PTGER3: variants seen among roughly 807,000 people sequenced by gnomAD.
PTGER3 encodes the protein prostaglandin E receptor 3.
In PTGER3, 22 loss-of-function variants were observed where a neutral mutation model predicts 34.7. That is an observed-to-expected ratio of 0.63 (90% CI 0.45 to 0.91). The LOEUF is 0.91. Ranked by LOEUF, PTGER3 falls within the 40% of genes least tolerant of loss-of-function variation. PTGER3 has a pLI of 0.00. For synonymous variants in PTGER3, 241 were observed against 230.1 expected, an observed-to-expected ratio of 1.05 and a Z score of -0.43; for missense variants, 468 against 519.4, an observed-to-expected ratio of 0.90 and a Z score of 0.96.
intron 3 of PTGER3, 117 bp from the exon 4 acceptor site, chr1:70,971,850 T>A: frequency 1.5e-6 from 1 of 651,238 alleles, no homozygotes; most frequent in Non-Finnish European, 2.5e-6. Context: ...TTTAAACGTT[T>A]AAAACATTCT....
At chr1:70,937,163 A>G (rs975483700) in intron 4 of PTGER3, among the ~76,000 whole-genome samples, 2 of 152,208 alleles carry the variant, frequency 1.3e-5, no homozygotes, top group Non-Finnish European at 2.9e-5. Context: ...GGGGAATGTT[A>G]TGATTATAAG....
chr1:70,931,296 G>T (rs953272995), intron 4 of PTGER3, among the ~76,000 whole-genome samples: 1 of 152,198 alleles, frequency 6.6e-6, no homozygotes, highest in Non-Finnish European at 1.5e-5. Flanking sequence ...GCTGTCACAG[G>T]CTGGCATTGA....
chr1:70,949,934 C>A (rs775281666), downstream of PTGER3, among the ~76,000 whole-genome samples: 5 of 152,036 alleles, frequency 3.3e-5, no homozygotes, highest in Non-Finnish European at 7.4e-5. Flanking sequence ...CTCTGCAAAT[C>A]CAGATCAACA....
intron 1 of PTGER3, among the ~76,000 whole-genome samples, chr1:71,021,926 T>C (rs1473705849): frequency 2.0e-5 from 3 of 151,910 alleles, no homozygotes; most frequent in South Asian, 2.1e-4. Flanking sequence ...TGAATATTAG[T>C]AACATGAAGA....
chr1:70,996,116 T>G (rs1259967675), intron 2 of PTGER3, among the ~76,000 whole-genome samples: 1 of 152,164 alleles, frequency 6.6e-6, no homozygotes. Context: ...CTATAAACCT[T>G]GGAGTTTACA....
intron 3 of PTGER3, among the ~76,000 whole-genome samples, chr1:70,973,851 G>A (rs933116017): frequency 2.0e-5 from 3 of 152,104 alleles, no homozygotes; most frequent in African/African-American, 7.2e-5. Context: ...CTGCCTTTTA[G>A]AGTACTCATT....
chr1:70,924,335 G>A (rs1647845500), intron 4 of PTGER3, among the ~76,000 whole-genome samples: 1 of 152,092 alleles, frequency 6.6e-6, no homozygotes, highest in African/African-American at 2.4e-5. Flanking sequence ...GTAAAAATGG[G>A]AGACTGGAAA....
chr1:71,016,819 T>A (rs1657948782), intron 1 of PTGER3, among the ~76,000 whole-genome samples: 1 of 151,902 alleles, frequency 6.6e-6, no homozygotes, highest in South Asian at 2.1e-4. Flanking sequence ...AAAAAAATTG[T>A]ATGTATATAA....
intron 4 of PTGER3, among the ~76,000 whole-genome samples, chr1:70,858,661 T>G (rs1021657798): frequency 3.9e-5 from 6 of 152,186 alleles, no homozygotes; most frequent in African/African-American, 7.2e-5. Context: ...AATGAGAATT[T>G]GAACTACATT....
At chr1:70,989,358 G>A (rs1405904746) in intron 2 of PTGER3, among the ~76,000 whole-genome samples, 2 of 152,110 alleles carry the variant, frequency 1.3e-5, no homozygotes, top group Non-Finnish European at 2.9e-5. Flanking sequence ...TCATTTTGGT[G>A]CTCACTTATG....
At chr1:70,917,105 G>A (rs1490667775) in intron 4 of PTGER3, among the ~76,000 whole-genome samples, 2 of 151,812 alleles carry the variant, frequency 1.3e-5, no homozygotes, top group Non-Finnish European at 2.9e-5. Flanking sequence ...TCACTCTACT[G>A]TGTAATAGAA....
chr1:70,919,657 G>A (rs563720699), intron 4 of PTGER3, among the ~76,000 whole-genome samples: 6 of 152,172 alleles, frequency 3.9e-5, no homozygotes, highest in African/African-American at 7.2e-5. Flanking sequence ...TGCTTCTCCC[G>A]AAGAAAAATC....
chr1:71,006,937 A>G (rs903279312), intron 2 of PTGER3: 3 of 985,510 alleles, frequency 3.0e-6, no homozygotes, highest in Non-Finnish European at 3.6e-6. Flanking sequence ...CAGACTAGCC[A>G]TGACTTGAAT....
chr1:70,972,272 G>A (rs1377568960), intron 3 of PTGER3, among the ~76,000 whole-genome samples: 4 of 152,040 alleles, frequency 2.6e-5, no homozygotes, highest in African/African-American at 2.4e-5. Context: ...GCAGTGAGCC[G>A]AGATCATGCC....
At chr1:70,890,380 G>A (rs1646590462) in intron 4 of PTGER3, among the ~76,000 whole-genome samples, 1 of 152,116 alleles carries the variant, frequency 6.6e-6, no homozygotes. Context: ...TAAGTGATGT[G>A]AAATTTGAAA....
intron 4 of PTGER3, among the ~76,000 whole-genome samples, chr1:70,863,265 A>T (rs749539843): frequency 6.6e-6 from 1 of 152,102 alleles, no homozygotes; most frequent in Non-Finnish European, 1.5e-5. Flanking sequence ...TTCAGTTCAG[A>T]TCATTGGCAG....
chr1:70,859,181 C>T (rs1645874822), intron 4 of PTGER3, among the ~76,000 whole-genome samples: 1 of 152,214 alleles, frequency 6.6e-6, no homozygotes, highest in Non-Finnish European at 1.5e-5. Flanking sequence ...TGCTGAATTT[C>T]ATCCTCTTGC....
exon 5 of PTGER3, chr1:70,852,772 T>C: frequency 6.4e-7 from 1 of 1,574,524 alleles, no homozygotes; most frequent in Non-Finnish European, 8.7e-7. Context: ...TTCTGTGATT[T>C]TTTTTTCTTT....
chr1:70,901,218 C>A (rs1646831293), intron 4 of PTGER3, among the ~76,000 whole-genome samples: 1 of 152,170 alleles, frequency 6.6e-6, no homozygotes, highest in Admixed American at 6.5e-5. Flanking sequence ...AGGCTTCTGT[C>A]TTGTTCCGCA....
Sources: allele counts gnomAD v4.1 joint callset (sites outside exome capture counted in the v4.1 genomes callset), GRCh38; gene constraint gnomAD v4.1.1; transcripts MANE v1.5; gene names NCBI Gene and HGNC (gene_info 2026-07-23, HGNC 2026-07-21).